Variants in UBE2E2 observed in about 807,000 individuals in gnomAD.
The protein encoded by UBE2E2 is ubiquitin conjugating enzyme E2 E2.
Under a neutral mutation model 24.7 loss-of-function variants are expected in UBE2E2, and 6 were observed. The observed-to-expected ratio is 0.24, with a 90% CI of 0.13 to 0.48. UBE2E2 has a LOEUF of 0.48. Ranked by LOEUF, UBE2E2 falls within the 20% of genes least tolerant of loss-of-function variation. UBE2E2 has a pLI of 0.99. For synonymous variants in UBE2E2, 104 were observed against 83.6 expected (o/e 1.24, Z -1.33); for missense variants, 169 against 245.0 (o/e 0.69, Z 2.07).
intron 3 of UBE2E2, among the ~76,000 whole-genome samples, chr3:23,294,749 AGATT>A (rs1432868343): frequency 1.3e-5 from 2 of 148,420 alleles, no homozygotes; most frequent in Non-Finnish European, 3.0e-5. Flanking sequence ...TTGTATCTTT[AGATT>A]ATTTTATTAC....
chr3:23,336,304 T>C (rs959309587), intron 3 of UBE2E2, among the ~76,000 whole-genome samples: 11 of 152,192 alleles, frequency 7.2e-5, no homozygotes, highest in Non-Finnish European at 2.9e-5. Context: ...ATCATGTTAC[T>C]TTCTGAGAAA....
chr3:23,465,866 T>G (rs1028850286), intron 3 of UBE2E2, among the ~76,000 whole-genome samples: 1 of 152,220 alleles, frequency 6.6e-6, no homozygotes. Flanking sequence ...AGTTATATAG[T>G]ATGCCTCACA....
chr3:23,241,006 G>A (rs901325800), intron 3 of UBE2E2, among the ~76,000 whole-genome samples: 6 of 152,034 alleles, frequency 3.9e-5, no homozygotes, highest in African/African-American at 7.3e-5. Context: ...TAGCTTCTGT[G>A]GATAACTGTT....
chr3:23,399,257 ATATT>A (rs1697156107), intron 3 of UBE2E2, among the ~76,000 whole-genome samples: 1 of 152,188 alleles, frequency 6.6e-6, no homozygotes, highest in Non-Finnish European at 1.5e-5. Flanking sequence ...TCTCTTTGGC[ATATT>A]TAAATTGCCA....
At chr3:23,465,620 G>A (rs1023221156) in intron 3 of UBE2E2, among the ~76,000 whole-genome samples, 4 of 152,292 alleles carry the variant, frequency 2.6e-5, no homozygotes, top group African/African-American at 4.8e-5. Flanking sequence ...AGAAGCAGCT[G>A]CTAACTTCTA....
At chr3:23,537,065 A>G (rs901549610) in intron 5 of UBE2E2, among the ~76,000 whole-genome samples, 2 of 152,228 alleles carry the variant, frequency 1.3e-5, no homozygotes, top group Non-Finnish European at 2.9e-5. Context: ...CCAAGAACCT[A>G]TCAGCCACAT....
Position 23,350,388 on chromosome 3 carries a change from A to T in UBE2E2, c.227+133076A>T, listed in dbSNP as rs534967891. On this transcript the variant is annotated intron_variant, in intron 3 of 5. Transcript: ENST00000396703. ...GCAATGGAACGAAGCTGGACGGAGA[A>T]TGACTTTGATGAGTTGAGAGAAGAA... Among the ~76,000 whole-genome samples, 467 of 152,382 alleles carry T rather than the reference A, an allele frequency of 3.1e-3. 1 individual carries two copies. The highest frequency in any genetic ancestry group is 4.9e-3 in the Non-Finnish European group (335 of 68,036).
chr3:23,210,977 A>G (rs944263222), intron 2 of UBE2E2, among the ~76,000 whole-genome samples: 17 of 152,182 alleles, frequency 1.1e-4, no homozygotes, highest in South Asian at 4.2e-4. Context: ...TCTTCCTCCA[A>G]TTCAGCTGAT....
intron 3 of UBE2E2, among the ~76,000 whole-genome samples, chr3:23,309,976 A>G (rs1694318203): frequency 1.3e-5 from 2 of 152,200 alleles, no homozygotes; most frequent in Admixed American, 6.5e-5. Flanking sequence ...GAAGCTATCT[A>G]AAAAGAATAC....
intron 3 of UBE2E2, among the ~76,000 whole-genome samples, chr3:23,266,547 T>C (rs1410183226): frequency 5.3e-5 from 8 of 152,096 alleles, no homozygotes; most frequent in Admixed American, 1.3e-4. Context: ...GTGGGTAACC[T>C]GACCTTTCTC....
chr3:23,402,774 A>G (rs1305490068), intron 3 of UBE2E2, among the ~76,000 whole-genome samples: 2 of 152,200 alleles, frequency 1.3e-5, no homozygotes, highest in African/African-American at 4.8e-5. Flanking sequence ...GTAACTTTTC[A>G]GAATGTTGCC....
intron 3 of UBE2E2, among the ~76,000 whole-genome samples, chr3:23,491,553 A>T (rs1216533637): frequency 6.6e-6 from 1 of 152,086 alleles, no homozygotes; most frequent in Non-Finnish European, 1.5e-5. Flanking sequence ...AGGAGACAAG[A>T]AAGAGCCCAG....
At chr3:23,369,177 A>G (rs1479601973) in intron 3 of UBE2E2, among the ~76,000 whole-genome samples, 2 of 152,198 alleles carry the variant, frequency 1.3e-5, no homozygotes, top group African/African-American at 4.8e-5. Flanking sequence ...TATTGTTAAA[A>G]TAAAAATCTC....
intron 3 of UBE2E2, among the ~76,000 whole-genome samples, chr3:23,424,571 A>C (rs945448737): frequency 1.3e-5 from 2 of 152,114 alleles, no homozygotes; most frequent in Admixed American, 1.3e-4. Flanking sequence ...TCTTGTACAA[A>C]TTGTAGCACT....
rs58367508 is a variant in UBE2E2 at position 23,505,088 on chromosome 3, T to G, written c.360+5348T>G. ...ACCTGGCTAATTTTTGTTTTTTTTTTTGTTTTTTTTTTTGTAGAGACAGGG... is the reference window on the plus strand; with the variant it reads ...ACCTGGCTAATTTTTGTTTTTTTTTGTGTTTTTTTTTTTGTAGAGACAGGG... On this transcript the variant is annotated intron_variant, in intron 4 of 5. Coordinates refer to ENST00000396703, the MANE Select transcript of UBE2E2 (RefSeq NM_152653.4). 9.8e-3 allele frequency among the ~76,000 whole-genome samples: 1,162 copies of G among 118,100 alleles called. 18 individuals are homozygous for G. The highest frequency in any genetic ancestry group is 0.034 in the African/African-American group (1,040 of 30,254). The allele number at this position is 118,100 out of a possible 152,430, so 77.5% of individuals were successfully genotyped here.
chr3:23,399,411 A>G (rs115309637), intron 3 of UBE2E2, among the ~76,000 whole-genome samples: 9 of 152,284 alleles, frequency 5.9e-5, no homozygotes, highest in African/African-American at 2.2e-4. Flanking sequence ...CACAATGTAG[A>G]TGCACTGGGC....
intron 3 of UBE2E2, among the ~76,000 whole-genome samples, chr3:23,388,731 G>A (rs1696866062): frequency 6.6e-6 from 1 of 152,040 alleles, no homozygotes; most frequent in Admixed American, 6.6e-5. Flanking sequence ...TTCAGGCCAG[G>A]CACAGTGGCT....
chr3:23,205,827 G>A (rs57747253), intron 1 of UBE2E2, among the ~76,000 whole-genome samples: 6,159 of 151,950 alleles, frequency 0.041, 432 homozygotes, highest in African/African-American at 0.14. Context: ...TCTAATATTC[G>A]GCAGTAGAAA....
chr3:23,257,111 G>T (rs1697746756), intron 3 of UBE2E2, among the ~76,000 whole-genome samples: 1 of 152,198 alleles, frequency 6.6e-6, no homozygotes, highest in Non-Finnish European at 1.5e-5. Context: ...GTAGCTTGTG[G>T]GAGAAGCTAT....
Sources: allele counts gnomAD v4.1 joint callset (sites outside exome capture counted in the v4.1 genomes callset), GRCh38; gene constraint gnomAD v4.1.1; transcripts MANE v1.5; gene names NCBI Gene and HGNC (gene_info 2026-07-23, HGNC 2026-07-21).